The following NOX3 variants were observed in gnomAD, a reference collection of about 807,000 sequenced individuals.
The protein encoded by NOX3 is NADPH oxidase catalytic subunit-like 3.
Under a neutral mutation model 76.7 loss-of-function variants are expected in NOX3, and 74 were observed. The ratio of observed to expected loss-of-function variants is 0.96; its 90% CI spans 0.80 to 1.17. The LOEUF (loss-of-function observed/expected upper bound fraction) is 1.17, where lower values mean the gene tolerates loss of function less well. Ranked by LOEUF, NOX3 falls within the 50% of genes most tolerant of loss-of-function variation. NOX3 has a pLI of 0.00. For synonymous variants in NOX3, 263 were observed against 261.1 expected, an observed-to-expected ratio of 1.01 and a Z score of -0.07; for missense variants, 695 against 703.3, an observed-to-expected ratio of 0.99 and a Z score of 0.13.
chr6:155,446,217 C>T (rs980243907), intron 4 of NOX3, among the ~76,000 whole-genome samples: 1 of 152,008 alleles, frequency 6.6e-6, no homozygotes, highest in Admixed American at 6.6e-5. Flanking sequence ...TATGAAGGTG[C>T]TGCCTTGTTT....
intron 10 of NOX3, among the ~76,000 whole-genome samples, chr6:155,416,172 C>T (rs892238561): frequency 2.6e-5 from 4 of 152,238 alleles, no homozygotes; most frequent in Non-Finnish European, 4.4e-5. Context: ...GCAGTGCCAC[C>T]TGCCTCCTGC....
chr6:155,425,350 C>T (rs976184176), intron 9 of NOX3, among the ~76,000 whole-genome samples: 3 of 152,114 alleles, frequency 2.0e-5, no homozygotes, highest in Non-Finnish European at 4.4e-5. Context: ...CACGTTTATG[C>T]AGCTATCCCT....
chr6:155,447,715 C>T (rs1777081858), intron 4 of NOX3, among the ~76,000 whole-genome samples: 1 of 152,148 alleles, frequency 6.6e-6, no homozygotes, highest in South Asian at 2.1e-4. Flanking sequence ...TTTTATTTAT[C>T]TCAGGCATTC....
intron 8 of NOX3, among the ~76,000 whole-genome samples, chr6:155,430,480 T>C (rs1776817885): frequency 6.6e-6 from 1 of 152,038 alleles, no homozygotes; most frequent in African/African-American, 2.4e-5. Flanking sequence ...GTTTGCAAAA[T>C]TTGTGCCTTT....
At chr6:155,421,986 G>C (rs538780346) in intron 10 of NOX3, among the ~76,000 whole-genome samples, 7 of 152,294 alleles carry the variant, frequency 4.6e-5, no homozygotes, top group South Asian at 4.1e-4. Flanking sequence ...GGACACTGTG[G>C]ACAAAGGGTT....
intron 9 of NOX3, among the ~76,000 whole-genome samples, chr6:155,424,894 T>C (rs1357846035): frequency 6.6e-6 from 1 of 152,216 alleles, no homozygotes; most frequent in Non-Finnish European, 1.5e-5. Flanking sequence ...AAGATGTCAA[T>C]TAAATCCCAA....
intron 7 of NOX3, among the ~76,000 whole-genome samples, chr6:155,432,621 C>T (rs1442040293): frequency 1.3e-5 from 2 of 152,184 alleles, no homozygotes; most frequent in East Asian, 1.9e-4. Flanking sequence ...GGTCTCTTCG[C>T]ATGGTCCCTC....
At chr6:155,427,284 A>G (rs2114693180) in intron 9 of NOX3, among the ~76,000 whole-genome samples, 1 of 152,206 alleles carries the variant, frequency 6.6e-6, no homozygotes, top group East Asian at 1.9e-4. Flanking sequence ...TACCCACTAA[A>G]TACAACCAAG....
At position 155,430,878 on chromosome 6, in the gene NOX3, A is replaced by G; in HGVS notation, c.856T>C (p.Phe286Leu). The G allele has an allele frequency of 6.2e-7, 1 of 1,613,560 alleles. No individual in the cohort carries two copies. Among genetic ancestry groups the G allele is most frequent in the Non-Finnish European group, 8.5e-7 (1 of 1,179,606 alleles). The change falls in exon 8 of 14, where the codon TTC (phenylalanine) becomes CTC (leucine). Residue 286 changes from phenylalanine to leucine, a missense_variant. Transcript: ENST00000159060. ...ACAACTTCTTGTTGAAATCGCCAGA[A>G]CCTAATTATTCTTTCACATGCATAC... Reference protein sequence around the residue: ...VLYACERIIRFWRFQQEVVIT... With the variant: ...VLYACERIIRLWRFQQEVVIT...
intron 5 of NOX3, among the ~76,000 whole-genome samples, chr6:155,442,436 A>G (rs1777006161): frequency 6.6e-6 from 1 of 152,210 alleles, no homozygotes; most frequent in South Asian, 2.1e-4. Context: ...GCATGGGGAA[A>G]TGGTCACTTA....
intron 9 of NOX3, among the ~76,000 whole-genome samples, chr6:155,423,743 C>CTTTTTTTT (rs528445827): frequency 1.5e-5 from 2 of 137,542 alleles, no homozygotes; most frequent in African/African-American, 2.7e-5. Context: ...TTTTCTTTTT[C>CTTTTTTTT]TTTTTTTTTT....
chr6:155,447,893 T>C (rs111565801), intron 4 of NOX3, among the ~76,000 whole-genome samples: 232 of 152,328 alleles, frequency 1.5e-3, no homozygotes, highest in African/African-American at 5.3e-3. Context: ...CTATTTTTGT[T>C]CTTCTTTAGA....
intron 10 of NOX3, among the ~76,000 whole-genome samples, chr6:155,421,913 A>G (rs1363017519): frequency 3.9e-5 from 6 of 152,188 alleles, no homozygotes; most frequent in Non-Finnish European, 8.8e-5. Flanking sequence ...CAGGTGACAG[A>G]TGTCCCATGG....
intron 9 of NOX3, among the ~76,000 whole-genome samples, chr6:155,423,692 T>C (rs1776720181): frequency 6.6e-6 from 1 of 152,204 alleles, no homozygotes; most frequent in Middle Eastern, 3.4e-3. Flanking sequence ...TGCGATACCA[T>C]TTTCCCTTGG....
At chr6:155,423,393 T>A (rs2114690201) in intron 9 of NOX3, among the ~76,000 whole-genome samples, 1 of 152,360 alleles carries the variant, frequency 6.6e-6, no homozygotes, top group South Asian at 2.1e-4. Context: ...TTGAAGTCAT[T>A]TGTCAGTTAT....
At position 155,440,688 on chromosome 6, in the gene NOX3, A is replaced by AC. The variant is rs202212481; in HGVS notation, c.487-552_487-551insG. Among the ~76,000 whole-genome samples, 619 of 151,176 alleles carry AC rather than the reference A, an allele frequency of 4.1e-3. 8 individuals carry two copies. The highest frequency in any genetic ancestry group is 0.014 in the African/African-American group (581 of 40,758). On this transcript the variant is annotated intron_variant, in intron 5 of 13. Coordinates refer to ENST00000159060, the MANE Select transcript of NOX3 (RefSeq NM_015718.3). Reference sequence around the variant, plus strand: ...AAATGGGAAAAAAGAAAAAACAAAAAAAAAAAAAACCAAAGTGATTATGTT... The same window carrying AC: ...AAATGGGAAAAAAGAAAAAACAAAAACAAAAAAAAACCAAAGTGATTATGTT...
At chr6:155,415,819 G>A (rs190063229) in intron 10 of NOX3, among the ~76,000 whole-genome samples, 137 of 152,388 alleles carry the variant, frequency 9.0e-4, no homozygotes, top group African/African-American at 3.2e-3. Context: ...GACACAGTAA[G>A]TGCTCAGAAG....
intron 10 of NOX3, among the ~76,000 whole-genome samples, chr6:155,414,629 T>G (rs1368889518): frequency 7.2e-6 from 1 of 139,536 alleles, no homozygotes; most frequent in Non-Finnish European, 1.6e-5. Flanking sequence ...CTTTCTTTTT[T>G]TTTTTTTTTT....
At chr6:155,401,864 G>A (rs1779233742) in intron 12 of NOX3, among the ~76,000 whole-genome samples, 1 of 150,860 alleles carries the variant, frequency 6.6e-6, no homozygotes, top group Non-Finnish European at 1.5e-5. Context: ...CACCTAAAAG[G>A]CGTGGTGAAG....
Sources: allele counts gnomAD v4.1 joint callset (sites outside exome capture counted in the v4.1 genomes callset), GRCh38; gene constraint gnomAD v4.1.1; transcripts MANE v1.5; gene names NCBI Gene and HGNC (gene_info 2026-07-23, HGNC 2026-07-21).